FBXL7: variants seen among roughly 807,000 people sequenced by gnomAD.
FBXL7 encodes the protein F-box and leucine rich repeat protein 7.
In FBXL7, 12 loss-of-function variants were observed where a neutral mutation model predicts 38.3. That is an observed-to-expected ratio of 0.31 (90% CI 0.20 to 0.51). FBXL7 has a LOEUF of 0.51. Among genes scored for constraint, FBXL7 ranks in the 20% least tolerant of loss-of-function variants. The pLI is 0.98. For missense variants in FBXL7, 567 were observed against 676.4 expected (o/e 0.84, Z 1.79); for synonymous variants, 297 against 300.9 (o/e 0.99, Z 0.13).
chr5:15,921,268 C>T (rs1741733768), intron 2 of FBXL7, among the ~76,000 whole-genome samples: 1 of 151,400 alleles, frequency 6.6e-6, no homozygotes, highest in South Asian at 2.1e-4. Flanking sequence ...GTAGTCCCGG[C>T]TGCTCAGGAG....
intron 2 of FBXL7, among the ~76,000 whole-genome samples, chr5:15,807,518 A>G (rs776482473): frequency 6.6e-6 from 1 of 152,180 alleles, no homozygotes; most frequent in Non-Finnish European, 1.5e-5. Context: ...AGCCCAGCAC[A>G]TGATAATGGT....
At chr5:15,547,462 G>T (rs932351483) in intron 1 of FBXL7, among the ~76,000 whole-genome samples, 4 of 152,298 alleles carry the variant, frequency 2.6e-5, no homozygotes, top group South Asian at 2.1e-4. Flanking sequence ...TTACTGACTT[G>T]TCTGAGTCTG....
chr5:15,879,949 C>T (rs1255457949), intron 2 of FBXL7, among the ~76,000 whole-genome samples: 8 of 151,942 alleles, frequency 5.3e-5, no homozygotes, highest in Admixed American at 4.6e-4. Flanking sequence ...ACAAATCTAT[C>T]GACTAATTTA....
intron 2 of FBXL7, among the ~76,000 whole-genome samples, chr5:15,756,202 G>T (rs975933366): frequency 2.6e-5 from 4 of 151,816 alleles, no homozygotes; most frequent in Admixed American, 1.3e-4. Context: ...AGTCTAGATG[G>T]TGTTTTCAAA....
intron 1 of FBXL7, among the ~76,000 whole-genome samples, chr5:15,601,951 CT>C (rs1381607355): frequency 2.0e-5 from 3 of 152,006 alleles, no homozygotes; most frequent in Admixed American, 6.6e-5. Context: ...TAGGGTGACC[CT>C]TGATCTAATA....
At chr5:15,692,975 T>C (rs17602145) in intron 2 of FBXL7, among the ~76,000 whole-genome samples, 37,618 of 152,130 alleles carry the variant, frequency 0.25, 5,607 homozygotes, top group South Asian at 0.38. Context: ...CCTGAGCCTC[T>C]GAACCAGTTG....
chr5:15,635,129 A>G (rs1741140028), intron 2 of FBXL7, among the ~76,000 whole-genome samples: 1 of 152,102 alleles, frequency 6.6e-6, no homozygotes, highest in African/African-American at 2.4e-5. Context: ...TTCAGTGAGA[A>G]ATTTGGGCTG....
intron 1 of FBXL7, among the ~76,000 whole-genome samples, chr5:15,538,378 A>C (rs1318686345): frequency 1.3e-5 from 2 of 152,236 alleles, no homozygotes; most frequent in African/African-American, 4.8e-5. Flanking sequence ...GAGTAGAAAT[A>C]GCCCAAATTT....
intron 1 of FBXL7, among the ~76,000 whole-genome samples, chr5:15,608,842 ATATG>A (rs1276514653): frequency 2.0e-5 from 3 of 152,138 alleles, no homozygotes; most frequent in Non-Finnish European, 4.4e-5. Flanking sequence ...ACACATACAC[ATATG>A]TAACCTCCAT....
chr5:15,656,610 T>G (rs1318824185), intron 2 of FBXL7, among the ~76,000 whole-genome samples: 1 of 152,162 alleles, frequency 6.6e-6, no homozygotes, highest in South Asian at 2.1e-4. Context: ...TTATGGGAGT[T>G]ACGGCAGCTA....
intron 2 of FBXL7, among the ~76,000 whole-genome samples, chr5:15,652,913 G>A (rs1741757572): frequency 1.3e-5 from 2 of 152,204 alleles, no homozygotes; most frequent in African/African-American, 2.4e-5. Context: ...ATAAATGCAT[G>A]AGGTGATAGA....
intron 1 of FBXL7, among the ~76,000 whole-genome samples, chr5:15,518,714 T>A (rs542498700): frequency 3.3e-5 from 5 of 152,270 alleles, no homozygotes; most frequent in Non-Finnish European, 7.4e-5. Context: ...TGACCTGAGT[T>A]TCCCTTAAGT....
chr5:15,609,717 G>A (rs966244572), intron 1 of FBXL7, among the ~76,000 whole-genome samples: 4 of 152,206 alleles, frequency 2.6e-5, no homozygotes, highest in Non-Finnish European at 4.4e-5. Flanking sequence ...AAGCTGCAGC[G>A]AAGACTGCCC....
intron 2 of FBXL7, among the ~76,000 whole-genome samples, chr5:15,729,528 A>G (rs1735516438): frequency 6.6e-6 from 1 of 152,200 alleles, no homozygotes; most frequent in African/African-American, 2.4e-5. Context: ...ATTTCAAACC[A>G]GCACTAAATA....
At chr5:15,525,431 T>C (rs1737225140) in intron 1 of FBXL7, among the ~76,000 whole-genome samples, 1 of 152,162 alleles carries the variant, frequency 6.6e-6, no homozygotes, top group African/African-American at 2.4e-5. Context: ...GACTCTACCT[T>C]CTCTAGGATG....
intron 2 of FBXL7, among the ~76,000 whole-genome samples, chr5:15,899,023 T>TTA (rs922951097): frequency 1.3e-5 from 2 of 152,040 alleles, no homozygotes; most frequent in Non-Finnish European, 2.9e-5. Flanking sequence ...CTATCAATCA[T>TTA]TATATATATA....
intron 2 of FBXL7, among the ~76,000 whole-genome samples, chr5:15,644,270 C>A (rs1346070910): frequency 6.9e-6 from 1 of 144,184 alleles, no homozygotes; most frequent in African/African-American, 2.6e-5. Context: ...ACCAGCCTGG[C>A]CAACATGGAG....
intron 2 of FBXL7, among the ~76,000 whole-genome samples, chr5:15,807,921 G>A (rs1184569665): frequency 6.6e-6 from 1 of 152,124 alleles, no homozygotes; most frequent in African/African-American, 2.4e-5. Context: ...TCTACAGGTT[G>A]TCCTGAGCTG....
At chr5:15,784,037 T>C (rs1314050869) in intron 2 of FBXL7, among the ~76,000 whole-genome samples, 1 of 152,218 alleles carries the variant, frequency 6.6e-6, no homozygotes, top group Non-Finnish European at 1.5e-5. Flanking sequence ...CTTGGTGATG[T>C]GGCAGTGACT....
Sources: gnomAD v4.1 joint callset for allele counts (sites outside exome capture counted in the v4.1 genomes callset) on GRCh38, gnomAD v4.1.1 for gene constraint, MANE v1.5 for transcripts, NCBI Gene and HGNC (gene_info 2026-07-23, HGNC 2026-07-21) for gene names.